Variants in MYOM1 observed in about 807,000 individuals in gnomAD.
The protein encoded by MYOM1 is myomesin-1.
In MYOM1, 164 loss-of-function variants were observed where a neutral mutation model predicts 205.3. That is an observed-to-expected ratio of 0.80 (90% CI 0.70 to 0.91). The LOEUF is 0.91. Among genes scored for constraint, MYOM1 ranks in the 40% least tolerant of loss-of-function variants. The pLI, the probability that MYOM1 is intolerant of heterozygous loss-of-function variation, is 0.00. For missense variants in MYOM1, 2,011 were observed against 2,127.3 expected (o/e 0.95, Z 1.08); for synonymous variants, 772 against 789.4 (o/e 0.98, Z 0.37).
chr18:3,123,250 T>C (rs1286835462), intron 19 of MYOM1, among the ~76,000 whole-genome samples: 1 of 152,176 alleles, frequency 6.6e-6, no homozygotes. Flanking sequence ...GATATGAATA[T>C]ACATAGACTC....
chr18:3,170,381 T>C (rs1049350227), intron 8 of MYOM1, among the ~76,000 whole-genome samples: 1 of 152,202 alleles, frequency 6.6e-6, no homozygotes, highest in African/African-American at 2.4e-5. Flanking sequence ...ATATCGCATG[T>C]ACCCCATCAA....
At position 3,126,892 on chromosome 18, in the gene MYOM1, G is replaced by A. The variant is rs1207305590; in HGVS notation, c.2800C>T (p.Pro934Ser). 1.9e-6 allele frequency: 3 copies of A among 1,607,800 alleles called. No individual in the cohort carries two copies. Among genetic ancestry groups the A allele is most frequent in the African/African-American group, 2.7e-5 (2 of 74,820 alleles). Residue 934 changes from proline to serine, a missense_variant, in exon 19 of 38, where the codon CCA becomes TCA. Transcript: ENST00000356443. The part of the protein sequence containing the change: ...PLKKKTDRAP[P>S]SPPCDITCLE... The stretch of plus-strand genomic sequence containing the variant: ...CAGGTGATATCACAGGGTGGAGATG[G>A]TGGTGCTGTAGCAATATGAATAGCT...
rs767986773 is a variant in MYOM1 at position 3,135,756 on chromosome 18, T to G, written c.2026-26A>C. 1 of 1,612,306 alleles carries G rather than the reference T, an allele frequency of 6.2e-7. No individual in the cohort carries two copies. The highest frequency in any genetic ancestry group is 8.5e-7 in the Non-Finnish European group (1 of 1,178,984). On this transcript the variant is annotated intron_variant, in intron 14 of 37. Transcript: ENST00000356443. The surrounding 1 kb of genome is among the most constrained non-coding windows in gnomAD (Gnocchi z 4.1). ...CTGCAGCAAGAACAGGGAAACCCAT[T>G]GAAAGCACAGCAAACACAAGCGAGA...
chr18:3,096,727 G>C (rs914733274), intron 25 of MYOM1, among the ~76,000 whole-genome samples: 10 of 152,120 alleles, frequency 6.6e-5, no homozygotes, highest in African/African-American at 2.4e-4. Flanking sequence ...ATGTATACAA[G>C]AGGGGTAAAA....
chr18:3,146,105 C>T (rs1463708789), intron 13 of MYOM1, among the ~76,000 whole-genome samples: 1 of 151,926 alleles, frequency 6.6e-6, no homozygotes, highest in Non-Finnish European at 1.5e-5. Flanking sequence ...ATAAAAGCTT[C>T]CCACAACAAA....
Position 3,091,084 on chromosome 18 carries a change from G to A in MYOM1, c.3865-282C>T, listed in dbSNP as rs112779319. Reference sequence around the variant, plus strand: ...TAATCCCAGCACTTTGGGAGGCTGAGGTGGGCAGATCACCTGAGGTCAGGA... The same window carrying A: ...TAATCCCAGCACTTTGGGAGGCTGAAGTGGGCAGATCACCTGAGGTCAGGA... On this transcript the variant is annotated intron_variant, in intron 26 of 37. Transcript: ENST00000356443. Among the ~76,000 whole-genome samples the A allele has an allele frequency of 6.0e-3, 910 of 152,234 alleles. 7 individuals carry two copies. Among genetic ancestry groups the A allele is most frequent in the African/African-American group, 0.021 (876 of 41,538 alleles).
intron 37 of MYOM1, among the ~76,000 whole-genome samples, chr18:3,069,271 T>C (rs888987585): frequency 6.6e-6 from 1 of 152,220 alleles, no homozygotes; most frequent in Non-Finnish European, 1.5e-5. Context: ...TGATATTTCA[T>C]TGTGGTTTTA....
chr18:3,245,087 C>T, the MYOM1 span, among the ~76,000 whole-genome samples: 1 of 152,152 alleles, frequency 6.6e-6, no homozygotes, highest in East Asian at 1.9e-4. Context: ...CTTGGACTTC[C>T]CGGCCTCCAG....
chr18:3,165,349 A>G (rs1469042047), intron 9 of MYOM1, among the ~76,000 whole-genome samples: 2 of 152,230 alleles, frequency 1.3e-5, no homozygotes, highest in Non-Finnish European at 1.5e-5. Context: ...CTACAAGCCG[A>G]ACATGATTTC....
chr18:3,183,878 G>C (rs533649142), intron 5 of MYOM1, among the ~76,000 whole-genome samples: 11 of 151,610 alleles, frequency 7.3e-5, no homozygotes, highest in Admixed American at 3.9e-4. Context: ...AAGTCAATTA[G>C]CACTCCAGTG....
chr18:3,090,554 G>T, intron 27 of MYOM1, 104 bp downstream of exon 27: 1 of 1,453,312 alleles, frequency 6.9e-7, no homozygotes, highest in Non-Finnish European at 9.4e-7. Context: ...AGTCAATTAA[G>T]AAAAAATTCC....
the MYOM1 span, among the ~76,000 whole-genome samples, chr18:3,231,326 C>T: frequency 6.6e-6 from 1 of 152,144 alleles, no homozygotes; most frequent in African/African-American, 2.4e-5. Flanking sequence ...CCACAGCATG[C>T]TGAAATTATG....
At chr18:3,204,922 A>C (rs1174773902) in intron 2 of MYOM1, among the ~76,000 whole-genome samples, 1 of 152,092 alleles carries the variant, frequency 6.6e-6, no homozygotes, top group Non-Finnish European at 1.5e-5. Flanking sequence ...ATTTATGGTC[A>C]AGTGATTTTT....
Position 3,084,105 on chromosome 18 carries a change from C to T in MYOM1, c.4340-78G>A. ...GGTTAAATCTCAAATTCTTAGCTCTCAAAAATTCCCTTTCTGGTTGAAAGG... is the reference window on the plus strand; with the variant it reads ...GGTTAAATCTCAAATTCTTAGCTCTTAAAAATTCCCTTTCTGGTTGAAAGG... On this transcript the variant is annotated intron_variant, in intron 31 of 37. Transcript: ENST00000356443. 3 of 1,453,838 alleles carry T rather than the reference C, an allele frequency of 2.1e-6. No homozygotes were observed. The South Asian group carries it at 3.7e-5, about 18-fold the overall frequency. The allele number at this position is 1,453,838 out of a possible 1,614,324, so 90.1% of individuals were successfully genotyped here. A position where few individuals can be genotyped will look rare whatever the true frequency, so the allele number is the denominator to read the frequency against.
chr18:3,087,325 T>C (rs1400952474), intron 29 of MYOM1, among the ~76,000 whole-genome samples: 1 of 151,872 alleles, frequency 6.6e-6, no homozygotes, highest in Non-Finnish European at 1.5e-5. Flanking sequence ...TGGGCTTTTT[T>C]TTTTTTTAAA....
Position 3,094,285 on chromosome 18 carries a change from A to G in MYOM1, c.3749T>C (p.Leu1250Ser), listed in dbSNP as rs1188232619. Residue 1250 changes from leucine to serine, a missense_variant, in exon 26 of 38, where the codon TTG becomes TCG. Physicochemically the swap from Leu to Ser is moderately radical, Grantham distance 145. Coordinates refer to ENST00000356443, the MANE Select transcript of MYOM1 (RefSeq NM_003803.4). ...GCCTTTCTCCAAAATTTCAACTGCC[A>G]ACTCTGATTTAACTGGGACAGCTAT... is the stretch of plus-strand genomic sequence containing the variant. ...KFPTVPVKSE[L>S]AVEILEKGQV... 6.2e-7 allele frequency: 1 copy of G among 1,613,792 alleles called. No individual in the cohort carries two copies. Among genetic ancestry groups the G allele is most frequent in the Non-Finnish European group, 8.5e-7 (1 of 1,179,766 alleles).
rs1480279463 is a variant in MYOM1, at chr18:3,209,683, C to A, written c.290+5251G>T. 1.3e-5 allele frequency among the ~76,000 whole-genome samples: 2 copies of A among 152,154 alleles called. No homozygotes were observed. Among genetic ancestry groups the A allele is most frequent in the South Asian group, 2.1e-4 (1 of 4,824 alleles). ...TGGCTGTCCCTGATGCCTGGTGCAC[C>A]TTTACCCAGATAACCTCATGGCTAC... On this transcript the variant is annotated intron_variant, in intron 2 of 37. Transcript: ENST00000356443. This position sits in a 1 kb window ranked among gnomAD's most constrained non-coding sequence, Gnocchi z 4.0.
chr18:3,153,993 G>A (rs1400660050), intron 11 of MYOM1, among the ~76,000 whole-genome samples: 5 of 152,144 alleles, frequency 3.3e-5, no homozygotes, highest in African/African-American at 1.2e-4. Flanking sequence ...CTAAGTTTTG[G>A]AGAATATAGA....
intron 2 of MYOM1, among the ~76,000 whole-genome samples, chr18:3,196,654 TTTTTG>T (rs2080992314): frequency 6.6e-6 from 1 of 152,232 alleles, no homozygotes; most frequent in Non-Finnish European, 1.5e-5. Context: ...TAGGTACATC[TTTTTG>T]TACTCCCCCA....
Sources: allele counts gnomAD v4.1 joint callset (sites outside exome capture counted in the v4.1 genomes callset), GRCh38; gene constraint gnomAD v4.1.1; non-coding constraint Gnocchi (gnomAD v3.1); transcripts MANE v1.5; gene names NCBI Gene and HGNC (gene_info 2026-07-23, HGNC 2026-07-21).